Variants in NXN observed in about 807,000 individuals in gnomAD.
NXN encodes the protein nucleoredoxin 1.
In NXN, 16 loss-of-function variants were observed where a neutral mutation model predicts 48.6. That is an observed-to-expected ratio of 0.33 (90% CI 0.22 to 0.50). NXN has a LOEUF of 0.50. Among genes scored for constraint, NXN ranks in the 20% least tolerant of loss-of-function variants. The pLI is 0.98. For synonymous variants in NXN, 281 were observed against 269.6 expected, an observed-to-expected ratio of 1.04 and a Z score of -0.41; for missense variants, 492 against 605.5, an observed-to-expected ratio of 0.81 and a Z score of 1.97.
At chr17:965,328 T>A (rs2069289133) in intron 1 of NXN, among the ~76,000 whole-genome samples, 2 of 152,320 alleles carry the variant, frequency 1.3e-5, no homozygotes, top group South Asian at 4.1e-4. Context: ...GGACTCGACA[T>A]CAACCCTTCA....
At chr17:897,210 A>C (rs953449177) in intron 1 of NXN, among the ~76,000 whole-genome samples, 1 of 152,200 alleles carries the variant, frequency 6.6e-6, no homozygotes, top group Non-Finnish European at 1.5e-5. Flanking sequence ...TGTCCTGGGA[A>C]AGGGAGGCAG....
intron 7 of NXN, among the ~76,000 whole-genome samples, chr17:802,551 C>A (rs1353457481): frequency 1.3e-5 from 2 of 152,244 alleles, no homozygotes; most frequent in Non-Finnish European, 2.9e-5. Context: ...CCGTGCCCGG[C>A]CCCTGCTGTG....
chr17:935,814 C>T (rs1021387555), intron 1 of NXN, among the ~76,000 whole-genome samples: 5 of 152,060 alleles, frequency 3.3e-5, no homozygotes, highest in Admixed American at 6.6e-5. Flanking sequence ...CAGCCTAGGC[C>T]GGGCGCAGTG....
At chr17:940,226 GC>G (rs1287976976) in intron 1 of NXN, among the ~76,000 whole-genome samples, 3 of 150,492 alleles carry the variant, frequency 2.0e-5, no homozygotes, top group Non-Finnish European at 2.9e-5. Context: ...GAGCCACTGT[GC>G]CTGGCCTCAA....
chr17:878,447 C>G (rs1223914220), intron 1 of NXN, among the ~76,000 whole-genome samples: 17 of 31,176 alleles, frequency 5.5e-4, no homozygotes, highest in Non-Finnish European at 7.1e-4. Context: ...GAGGGGTTTG[C>G]GGGCGGGGGT....
intron 1 of NXN, among the ~76,000 whole-genome samples, chr17:969,258 C>T (rs2069343588): frequency 6.6e-6 from 1 of 152,160 alleles, no homozygotes; most frequent in Non-Finnish European, 1.5e-5. Context: ...ACCATCATCT[C>T]CATTTTACTC....
chr17:842,467 G>A lies in NXN; in HGVS notation c.361-16389C>T, dbSNP rs111415274. 1.6e-3 allele frequency: 1,551 copies of A among 975,910 alleles called. 12 individuals carry two copies. In the African/African-American group the frequency reaches 0.021, roughly 13 times the overall value. The allele number at this position is 975,910 out of a possible 1,614,324, so 60.5% of individuals were successfully genotyped here. ...CCGTGATCCCGGCGGGGAAGGCCAC[G>A]TGGGTTACTGGGGAGGATGAAGGAT... is the stretch of plus-strand genomic sequence containing the variant. On this transcript the variant is annotated intron_variant, in intron 1 of 7. Coordinates refer to ENST00000336868, the MANE Select transcript of NXN (RefSeq NM_022463.5).
At chr17:813,584 G>A (rs1741274) in intron 5 of NXN, among the ~76,000 whole-genome samples, 64,812 of 152,182 alleles carry the variant, frequency 0.43, 14,120 homozygotes, top group East Asian at 0.53. Flanking sequence ...AAGTTTAGAA[G>A]TATGAATCAA....
chr17:957,232 C>T (rs987363461), intron 1 of NXN, among the ~76,000 whole-genome samples: 1 of 152,072 alleles, frequency 6.6e-6, no homozygotes, highest in Non-Finnish European at 1.5e-5. Context: ...ACCCCCCTCC[C>T]CCAACACTAC....
rs758642790 is a variant in NXN at position 956,266 on chromosome 17, G to A, written c.360+23053C>T. Among the ~76,000 whole-genome samples, 14 of 152,028 alleles carry A rather than the reference G, an allele frequency of 9.2e-5. No homozygotes were observed. Among genetic ancestry groups the A allele is most frequent in the Admixed American group, 4.6e-4 (7 of 15,252 alleles). On this transcript the variant is annotated intron_variant, in intron 1 of 7. Coordinates refer to ENST00000336868, the MANE Select transcript of NXN (RefSeq NM_022463.5). This position sits in a 1 kb window ranked among gnomAD's most constrained non-coding sequence, Gnocchi z 4.1. ...CGGTGCCAAGTATTTACTAATAAGA[G>A]GTGTCGAACGTGTTAAGTAAGAAGG...
chr17:806,947 C>T lies in NXN; in HGVS notation c.821-1700G>A, dbSNP rs773440438. ...ACACACACACACACACACACACACA[C>T]GCACGCGCCCACACACACATGCGGC... On this transcript the variant is annotated intron_variant, in intron 5 of 7. Transcript: ENST00000336868. Among the ~76,000 whole-genome samples, 311 of 138,670 alleles carry T rather than the reference C, an allele frequency of 2.2e-3. 1 individual carries two copies. The highest frequency in any genetic ancestry group is 9.7e-3 in the African/African-American group (297 of 30,484). The allele number at this position is 138,670 out of a possible 152,430, so 91.0% of individuals were successfully genotyped here. A position where few individuals can be genotyped will look rare whatever the true frequency, so the allele number is the denominator to read the frequency against.
At chr17:812,590 T>C (rs570585612) in intron 5 of NXN, among the ~76,000 whole-genome samples, 4 of 151,916 alleles carry the variant, frequency 2.6e-5, no homozygotes, top group Non-Finnish European at 4.4e-5. Flanking sequence ...CACGTGTGTG[T>C]GATGGCGCGA....
At chr17:952,175 G>T (rs1440078432) in intron 1 of NXN, among the ~76,000 whole-genome samples, 5 of 117,300 alleles carry the variant, frequency 4.3e-5, no homozygotes, top group South Asian at 2.7e-4. Context: ...GTCACACTGT[G>T]GGGGGGCTGG....
intron 5 of NXN, among the ~76,000 whole-genome samples, chr17:807,518 G>A (rs924146972): frequency 3.3e-5 from 5 of 152,228 alleles, no homozygotes; most frequent in African/African-American, 1.2e-4. Context: ...CCTGACTGTG[G>A]CTGCAGCCTC....
intron 1 of NXN, among the ~76,000 whole-genome samples, chr17:968,486 C>G (rs1488094891): frequency 6.6e-6 from 1 of 151,244 alleles, no homozygotes; most frequent in Non-Finnish European, 1.5e-5. Context: ...GGTGGGAGGA[C>G]TGCCTGGGCC....
At chr17:866,528 C>T (rs944599839) in intron 1 of NXN, among the ~76,000 whole-genome samples, 9 of 152,080 alleles carry the variant, frequency 5.9e-5, no homozygotes, top group Non-Finnish European at 5.9e-5. Context: ...GCTGAGATCG[C>T]GTCATTGCCC....
chr17:947,633 T>C (rs1272662337), intron 1 of NXN, among the ~76,000 whole-genome samples: 1 of 147,888 alleles, frequency 6.8e-6, no homozygotes, highest in African/African-American at 2.5e-5. Context: ...CTCGGGAGGC[T>C]GAGGCAGGGG....
At chr17:887,505 C>T (rs7213626) in intron 1 of NXN, among the ~76,000 whole-genome samples, 14,402 of 152,142 alleles carry the variant, frequency 0.095, 973 homozygotes, top group African/African-American at 0.18. Flanking sequence ...CGGGCATTTT[C>T]AGGCCTTCAC....
chr17:845,899 C>T (rs1011339418), intron 1 of NXN, among the ~76,000 whole-genome samples: 11 of 151,932 alleles, frequency 7.2e-5, no homozygotes, highest in African/African-American at 2.4e-4. Flanking sequence ...CCCGTCTCTA[C>T]TAAAAATACA....
Sources: gnomAD v4.1 joint callset for allele counts (sites outside exome capture counted in the v4.1 genomes callset) on GRCh38, gnomAD v4.1.1 for gene constraint, Gnocchi (gnomAD v3.1) non-coding constraint, MANE v1.5 for transcripts, NCBI Gene and HGNC (gene_info 2026-07-23, HGNC 2026-07-21) for gene names.